MAGEH1: variants seen among roughly 807,000 people sequenced by gnomAD.
MAGEH1 encodes the protein melanoma-associated antigen H1.
For synonymous variants in MAGEH1, 79 were observed against 70.3 expected, an observed-to-expected ratio of 1.12 and a Z score of -0.62; for missense variants, 152 against 183.0, an observed-to-expected ratio of 0.83 and a Z score of 0.98.
Position 55,452,497 on chromosome X carries a change from G to A in MAGEH1, c.123G>A (p.Ala41=). The part of the protein sequence containing the change: ...SETPMAASVV[A]STPEDDLSGP... ...CCCCTATGGCCGCCTCTGTGGTAGC[G>A]AGCACCCCCGAAGACGACCTGAGCG... Residue 41 remains alanine, a synonymous_variant, in exon 1 of 1, where the codon GCG becomes GCA. Coordinates refer to ENST00000342972, the MANE Select transcript of MAGEH1 (RefSeq NM_014061.5). The A allele has an allele frequency of 2.5e-6, 3 of 1,208,745 alleles. No homozygotes were observed. The highest frequency in any genetic ancestry group is 3.4e-6 in the Non-Finnish European group (3 of 894,509).
In MAGEH1 at chrX:55,453,130, G is replaced by T. The variant is rs1277058105; in HGVS notation, c.*96G>T. 1.3e-6 allele frequency: 1 copy of T among 745,246 alleles called. No homozygotes were observed. The highest frequency in any genetic ancestry group is 1.9e-6 in the Non-Finnish European group (1 of 513,253). 61.4% of individuals were successfully genotyped at this position (745,246 alleles called of 1,213,427 possible). Reference sequence around the variant, plus strand: ...CCTAAGTTGAAAATGATGTCGATTGGGGGCGGGGGACACTGTATTTGATAT... The same window carrying T: ...CCTAAGTTGAAAATGATGTCGATTGTGGGCGGGGGACACTGTATTTGATAT... On this transcript the variant is annotated 3_prime_UTR_variant, in exon 1 of 1. Transcript: ENST00000342972.
At position 55,453,188 on chromosome X, in the gene MAGEH1, TAG is replaced by T. The variant is rs1482795007; in HGVS notation, c.*157_*158del. 4.6e-6 allele frequency: 2 copies of T among 439,184 alleles called. No homozygotes were observed. The highest frequency in any genetic ancestry group is 2.5e-5 in the African/African-American group (1 of 40,739). 36.2% of individuals were successfully genotyped at this position (439,184 alleles called of 1,213,427 possible). ...CAGTGATCATTGTTCAACTGCGAAA[TAG>T]AGTGTTTGCTTTTGATAATGGAAAA... is the stretch of plus-strand genomic sequence containing the variant. On this transcript the variant is annotated 3_prime_UTR_variant, in exon 1 of 1. Coordinates refer to ENST00000342972, the MANE Select transcript of MAGEH1 (RefSeq NM_014061.5).
At position 55,452,569 on chromosome X, in the gene MAGEH1, T is replaced by G. The variant is rs1288964132; in HGVS notation, c.195T>G (p.Pro65=). ...CTCCAGAGGAGGCCTCTACCACCCC[T>G]GAAGAAGCCTCGAGCACTGCCCAAG... ...PSTPEEASTT[P]EEASSTAQAQ... is the part of the protein sequence containing the mutation. The change falls in exon 1 of 1, where the codon CCT becomes CCG. Residue 65 remains proline, a synonymous_variant. Coordinates refer to ENST00000342972, the MANE Select transcript of MAGEH1 (RefSeq NM_014061.5). 4 of 1,209,463 alleles carry G rather than the reference T, an allele frequency of 3.3e-6. No individual in the cohort carries two copies. The highest frequency in any genetic ancestry group is 4.4e-5 in the Admixed American group (2 of 45,755).
chrX:55,452,441 C>G lies in MAGEH1; in HGVS notation c.67C>G (p.Arg23Gly). 1 of 1,183,779 alleles carries G rather than the reference C, an allele frequency of 8.4e-7. No individual in the cohort carries two copies. Among genetic ancestry groups the G allele is most frequent in the Non-Finnish European group, 1.1e-6 (1 of 884,997 alleles). Reference sequence around the variant, plus strand: ...AGCCGCAGAAGAGAACCGCAACAATCGCAAAATCCAGGCCTCAGAGGCCTC... The same window carrying G: ...AGCCGCAGAAGAGAACCGCAACAATGGCAAAATCCAGGCCTCAGAGGCCTC... ...ARAAEENRNN[R>G]KIQASEASET... The change falls in exon 1 of 1, where the codon CGC becomes GGC. Residue 23 changes from arginine to glycine, a missense_variant. Transcript: ENST00000342972.
At position 55,453,335 on chromosome X, in the gene MAGEH1, C is replaced by A; in HGVS notation, c.*301C>A. The A allele has an allele frequency of 3.8e-6, 1 of 266,535 alleles. No individual in the cohort carries two copies. The allele number at this position is 266,535 out of a possible 1,213,427, so 22.0% of individuals were successfully genotyped here. A position where few individuals can be genotyped will look rare whatever the true frequency, so the allele number is the denominator to read the frequency against. The stretch of plus-strand genomic sequence containing the variant: ...TTAGTATAACAGTTTTGCTAACGTT[C>A]TAAAATGAAGTCGTTCCATCATAAT... On this transcript the variant is annotated 3_prime_UTR_variant, in exon 1 of 1. Coordinates refer to ENST00000342972, the MANE Select transcript of MAGEH1 (RefSeq NM_014061.5).
At position 55,452,918 on chromosome X, in the gene MAGEH1, A is replaced by G; in HGVS notation, c.544A>G (p.Arg182Gly). 8.3e-7 allele frequency: 1 copy of G among 1,211,785 alleles called. No homozygotes were observed. The highest frequency in any genetic ancestry group is 1.1e-6 in the Non-Finnish European group (1 of 895,525). Residue 182 changes from arginine (R) to glycine (G), a missense_variant, in exon 1 of 1, where the codon AGG becomes GGG. Transcript: ENST00000342972. ...SKLKVMHFVA[R>G]VRNRCSKDWP... The stretch of plus-strand genomic sequence containing the variant: ...ACTGAAAGTCATGCATTTTGTGGCA[A>G]GGGTTCGTAACCGATGCTCTAAAGA...
Position 55,452,527 on chromosome X carries a change from C to T in MAGEH1, c.153C>T (p.Pro51=), listed in dbSNP as rs147296374. 5.8e-6 allele frequency: 7 copies of T among 1,206,803 alleles called. No individual in the cohort carries two copies. Among genetic ancestry groups the T allele is most frequent in the Non-Finnish European group, 7.8e-6 (7 of 894,209 alleles). ...ASTPEDDLSG[P]EEDPSTPEEA... ...CCCCCGAAGACGACCTGAGCGGCCC[C>T]GAGGAAGACCCGAGCACTCCAGAGG... Residue 51 remains proline, a synonymous_variant, in exon 1 of 1, where the codon CCC becomes CCT. Coordinates refer to ENST00000342972, the MANE Select transcript of MAGEH1 (RefSeq NM_014061.5).
chrX:55,452,668 C>T lies in MAGEH1; in HGVS notation c.294C>T (p.Leu98=). Residue 98 remains leucine, a synonymous_variant, in exon 1 of 1, where the codon CTC becomes CTT. Coordinates refer to ENST00000342972, the MANE Select transcript of MAGEH1 (RefSeq NM_014061.5). ...KKSLLMSILA[L]IFIMGNSAKE... Reference sequence around the variant, plus strand: ...GTCTCCTGATGTCTATATTAGCGCTCATCTTCATCATGGGCAACAGCGCCA... The same window carrying T: ...GTCTCCTGATGTCTATATTAGCGCTTATCTTCATCATGGGCAACAGCGCCA... 2.5e-6 allele frequency: 3 copies of T among 1,211,672 alleles called. No homozygotes were observed. The highest frequency in any genetic ancestry group is 3.3e-6 in the Non-Finnish European group (3 of 895,527).
At position 55,452,544 on chromosome X, in the gene MAGEH1, C is replaced by A; in HGVS notation, c.170C>A (p.Thr57Asn). Residue 57 changes from threonine (T) to asparagine (N), a missense_variant, in exon 1 of 1, where the codon ACT becomes AAT. Coordinates refer to ENST00000342972, the MANE Select transcript of MAGEH1 (RefSeq NM_014061.5). ...DLSGPEEDPS[T>N]PEEASTTPEE... ...AGCGGCCCCGAGGAAGACCCGAGCA[C>A]TCCAGAGGAGGCCTCTACCACCCCT... 1 of 1,209,507 alleles carries A rather than the reference C, an allele frequency of 8.3e-7. No homozygotes were observed. Among genetic ancestry groups the A allele is most frequent in the Non-Finnish European group, 1.1e-6 (1 of 894,686 alleles).
rs768597471 is a variant in MAGEH1, at chrX:55,452,854, G to A, written c.480G>A (p.Glu160=). Residue 160 remains glutamate (E), a synonymous_variant, in exon 1 of 1, where the codon GAG becomes GAA. Transcript: ENST00000342972. The part of the protein sequence containing the change: ...PVPRSSPVEY[E]FFWGPRAHVE... ...CCCGTAGCAGTCCGGTGGAGTATGAGTTCTTCTGGGGGCCCCGAGCACACG... is the reference window on the plus strand; with the variant it reads ...CCCGTAGCAGTCCGGTGGAGTATGAATTCTTCTGGGGGCCCCGAGCACACG... The A allele has an allele frequency of 3.3e-6, 4 of 1,211,793 alleles. No individual in the cohort carries two copies. The highest frequency in any genetic ancestry group is 2.3e-4 in the Middle Eastern group (1 of 4,356).
rs754504735 is a variant in MAGEH1 at position 55,452,388 on chromosome X, GAA to G, written c.16_17del (p.Lys6GlufsTer6). On this transcript the variant is annotated frameshift_variant, in exon 1 of 1. Coordinates refer to ENST00000342972, the MANE Select transcript of MAGEH1 (RefSeq NM_014061.5). LOFTEE classifies it low-confidence loss of function (END_TRUNC). ...CTAGCAGGAGACATGCCTCGGGGAC[GAA>G]AGAGTCGGCGCCGCCGTAATGCGAG... 8.7e-7 allele frequency: 1 copy of G among 1,155,939 alleles called. No homozygotes were observed. Among genetic ancestry groups the G allele is most frequent in the Non-Finnish European group, 1.1e-6 (1 of 871,013 alleles).
Position 55,453,112 on chromosome X carries a change from T to A in MAGEH1, c.*78T>A. 7.7e-6 allele frequency: 7 copies of A among 912,057 alleles called. No homozygotes were observed. Among genetic ancestry groups the A allele is most frequent in the Non-Finnish European group, 9.1e-6 (6 of 655,990 alleles). The allele number at this position is 912,057 out of a possible 1,213,427, so 75.2% of individuals were successfully genotyped here. A position where few individuals can be genotyped will look rare whatever the true frequency, so the allele number is the denominator to read the frequency against. On this transcript the variant is annotated 3_prime_UTR_variant, in exon 1 of 1. Transcript: ENST00000342972. ...AGGAGTAGATGCCAGGGTCCTAAGT[T>A]GAAAATGATGTCGATTGGGGGCGGG...
chrX:55,452,501 A>G lies in MAGEH1; in HGVS notation c.127A>G (p.Thr43Ala), dbSNP rs1188394649. The G allele has an allele frequency of 8.3e-7, 1 of 1,207,989 alleles. No homozygotes were observed. Among genetic ancestry groups the G allele is most frequent in the South Asian group, 1.8e-5 (1 of 56,451 alleles). The change falls in exon 1 of 1, where the codon ACC becomes GCC. Residue 43 changes from threonine (T) to alanine (A), a missense_variant. Transcript: ENST00000342972. ...TATGGCCGCCTCTGTGGTAGCGAGC[A>G]CCCCCGAAGACGACCTGAGCGGCCC... ...TPMAASVVASTPEDDLSGPEE... is the reference protein window; with the variant it reads ...TPMAASVVASAPEDDLSGPEE...
In MAGEH1 at chrX:55,453,464, T is replaced by C. The variant is rs2031210233; in HGVS notation, c.*430T>C. On this transcript the variant is annotated 3_prime_UTR_variant, in exon 1 of 1. Transcript: ENST00000342972. ...GGAGGATTTCTTCATATCTGACGTT[T>C]CTGAAACCCTTTGTGTCTGCTGTTG... 7.6e-6 allele frequency: 1 copy of C among 131,163 alleles called. No homozygotes were observed. The highest frequency in any genetic ancestry group is 3.2e-5 in the African/African-American group (1 of 31,079). 10.8% of individuals were successfully genotyped at this position (131,163 alleles called of 1,213,427 possible). A position where few individuals can be genotyped will look rare whatever the true frequency, so the allele number is the denominator to read the frequency against.
rs994238233 is a variant in MAGEH1, at chrX:55,453,165, G to C, written c.*131G>C. 5.6e-6 allele frequency: 3 copies of C among 535,580 alleles called. No individual in the cohort carries two copies. The highest frequency in any genetic ancestry group is 8.8e-6 in the Non-Finnish European group (3 of 341,580). The allele number at this position is 535,580 out of a possible 1,213,427, so 44.1% of individuals were successfully genotyped here. A position where few individuals can be genotyped will look rare whatever the true frequency, so the allele number is the denominator to read the frequency against. On this transcript the variant is annotated 3_prime_UTR_variant, in exon 1 of 1. Coordinates refer to ENST00000342972, the MANE Select transcript of MAGEH1 (RefSeq NM_014061.5). ...ACACTGTATTTGATATTTGTGATCA[G>C]TGATCATTGTTCAACTGCGAAATAG...
rs1477245374 is a variant in MAGEH1 at position 55,452,887 on chromosome X, G to C, written c.513G>C (p.Ser171=). Residue 171 remains serine, a synonymous_variant, in exon 1 of 1, where the codon TCG becomes TCC. Transcript: ENST00000342972. Reference sequence around the variant, plus strand: ...GGGGGCCCCGAGCACACGTGGAATCGAGCAAACTGAAAGTCATGCATTTTG... The same window carrying C: ...GGGGGCCCCGAGCACACGTGGAATCCAGCAAACTGAAAGTCATGCATTTTG... ...FFWGPRAHVE[S]SKLKVMHFVA... The C allele has an allele frequency of 3.0e-5, 36 of 1,211,719 alleles. No homozygotes were observed. The highest frequency in any genetic ancestry group is 4.0e-5 in the Non-Finnish European group (36 of 895,531).
Position 55,452,929 on chromosome X carries a change from C to T in MAGEH1, c.555C>T (p.Asn185=), listed in dbSNP as rs1569194191. The T allele has an allele frequency of 8.3e-7, 1 of 1,209,728 alleles. No homozygotes were observed. The highest frequency in any genetic ancestry group is 1.1e-6 in the Non-Finnish European group (1 of 895,224). Residue 185 remains asparagine, a synonymous_variant, in exon 1 of 1, where the codon AAC becomes AAT. Coordinates refer to ENST00000342972, the MANE Select transcript of MAGEH1 (RefSeq NM_014061.5). ...TGCATTTTGTGGCAAGGGTTCGTAA[C>T]CGATGCTCTAAAGACTGGCCTTGTA... ...KVMHFVARVR[N]RCSKDWPCNY... is the part of the protein sequence containing the mutation.
rs762436737 is a variant in MAGEH1, at chrX:55,452,767, T to A, written c.393T>A (p.Asp131Glu). 8.3e-7 allele frequency: 1 copy of A among 1,211,397 alleles called. No individual in the cohort carries two copies. The highest frequency in any genetic ancestry group is 1.8e-5 in the South Asian group (1 of 56,944). Reference protein sequence around the residue: ...QPGRQHSIFGDPKKIVTEEFV... With the variant: ...QPGRQHSIFGEPKKIVTEEFV... ...GACGTCAGCACAGCATCTTTGGAGATCCGAAGAAGATCGTCACAGAAGAGT... is the reference window on the plus strand; with the variant it reads ...GACGTCAGCACAGCATCTTTGGAGAACCGAAGAAGATCGTCACAGAAGAGT... The change falls in exon 1 of 1, where the codon GAT becomes GAA. Residue 131 changes from aspartate (D) to glutamate (E), a missense_variant. Transcript: ENST00000342972.
At position 55,453,052 on chromosome X, in the gene MAGEH1, C is replaced by A. The variant is rs769585312; in HGVS notation, c.*18C>A. Reference sequence around the variant, plus strand: ...CCCCTTAAGTAGATCTGAGGCAGACCCTTGGGGGTGTAAAAGAGAGTCACA... The same window carrying A: ...CCCCTTAAGTAGATCTGAGGCAGACACTTGGGGGTGTAAAAGAGAGTCACA... On this transcript the variant is annotated 3_prime_UTR_variant, in exon 1 of 1. Transcript: ENST00000342972. The A allele has an allele frequency of 3.4e-5, 41 of 1,189,266 alleles. No individual in the cohort carries two copies. The highest frequency in any genetic ancestry group is 4.2e-5 in the Non-Finnish European group (37 of 882,563).
Sources: allele counts gnomAD v4.1 joint callset, GRCh38; gene constraint gnomAD v4.1.1; transcripts MANE v1.5; gene names NCBI Gene and HGNC (gene_info 2026-07-23, HGNC 2026-07-21).